AVEN: variants seen among roughly 807,000 people sequenced by gnomAD.
The protein encoded by AVEN is apoptosis and caspase activation inhibitor, also known as cell death regulator Aven.
In AVEN, 41 loss-of-function variants were observed where a neutral mutation model predicts 38.1. The observed-to-expected ratio is 1.08, with a 90% CI of 0.84 to 1.40. The LOEUF is 1.40. Among genes scored for constraint, AVEN ranks in the 40% most tolerant of loss-of-function variants. AVEN has a pLI of 0.00. For missense variants in AVEN, 605 were observed against 438.8 expected (o/e 1.38, Z -3.38); for synonymous variants, 206 against 171.8 (o/e 1.20, Z -1.56).
intron 2 of AVEN, among the ~76,000 whole-genome samples, chr15:33,994,895 A>T (rs76478232): frequency 0.016 from 2,386 of 152,324 alleles, 64 homozygotes; most frequent in African/African-American, 0.053. Flanking sequence ...GAAGAAAAAA[A>T]TAACATACAG....
At chr15:33,870,810 TGA>T (rs1890914204) in intron 4 of AVEN, 123 bp downstream of exon 4, 1 of 598,964 alleles carries the variant, frequency 1.7e-6, no homozygotes, top group Non-Finnish European at 2.7e-6. Context: ...AATGCTACCT[TGA>T]TATGAAACCC....
intron 1 of AVEN, among the ~76,000 whole-genome samples, chr15:34,035,724 C>T (rs1243169676): frequency 3.3e-5 from 5 of 152,264 alleles, no homozygotes; most frequent in Admixed American, 3.3e-4. Context: ...TGCTAACAGC[C>T]CATCACAAAG....
intron 2 of AVEN, among the ~76,000 whole-genome samples, chr15:33,888,367 G>T (rs1258600995): frequency 6.6e-6 from 1 of 152,058 alleles, no homozygotes; most frequent in African/African-American, 2.4e-5. Context: ...GAGTCAGTGA[G>T]GCTTCCTAGG....
At chr15:34,004,810 T>C (rs984467874) in intron 1 of AVEN, among the ~76,000 whole-genome samples, 13 of 152,110 alleles carry the variant, frequency 8.5e-5, no homozygotes, top group African/African-American at 2.9e-4. Flanking sequence ...TGTATTTAAA[T>C]TTTTTCATAA....
intron 4 of AVEN, 69 bp downstream of exon 4, chr15:33,870,866 G>T: frequency 2.7e-6 from 3 of 1,114,660 alleles, no homozygotes; most frequent in South Asian, 1.5e-5. Flanking sequence ...TCCTGCTGAG[G>T]GAAGTGTTCC....
At chr15:33,984,570 T>A (rs1896339678) in intron 2 of AVEN, among the ~76,000 whole-genome samples, 1 of 152,052 alleles carries the variant, frequency 6.6e-6, no homozygotes. Flanking sequence ...ACCCGGCTAA[T>A]TTTGTATTTT....
At chr15:33,983,192 A>G (rs12912120) in intron 2 of AVEN, among the ~76,000 whole-genome samples, 1,366 of 70,290 alleles carry the variant, frequency 0.019, 49 homozygotes, top group South Asian at 0.11. Flanking sequence ...ACGTGTGTGT[A>G]TGTGTGTGTA....
At position 33,908,845 on chromosome 15, in the gene AVEN, A is replaced by G. The variant is rs938950337; in HGVS notation, c.446-32850T>C. On this transcript the variant is annotated intron_variant, in intron 2 of 5. Transcript: ENST00000306730. ...ACAAGAGGGCTGGGGCTTGATTCATACAGAAGTCTGCAGGAGAAAAGACAA... is the reference window on the plus strand; with the variant it reads ...ACAAGAGGGCTGGGGCTTGATTCATGCAGAAGTCTGCAGGAGAAAAGACAA... 2.0e-5 allele frequency among the ~76,000 whole-genome samples: 3 copies of G among 152,232 alleles called. No individual in the cohort carries two copies. In the South Asian group the frequency reaches 6.2e-4, roughly 32 times the overall value.
chr15:33,905,688 G>A (rs1892673473), intron 2 of AVEN, among the ~76,000 whole-genome samples: 1 of 152,148 alleles, frequency 6.6e-6, no homozygotes, highest in South Asian at 2.1e-4. Flanking sequence ...AGCCAGGAGT[G>A]CTGGCATGCA....
intron 1 of AVEN, among the ~76,000 whole-genome samples, chr15:34,023,181 G>GAA (rs983274134): frequency 2.8e-5 from 4 of 144,950 alleles, no homozygotes; most frequent in Admixed American, 1.4e-4. Flanking sequence ...CTCGGTCTCA[G>GAA]AAAAAAAAAA....
intron 2 of AVEN, among the ~76,000 whole-genome samples, chr15:33,926,925 G>C (rs1433121274): frequency 6.6e-6 from 1 of 152,094 alleles, no homozygotes; most frequent in South Asian, 2.1e-4. Flanking sequence ...AAATTGCTAG[G>C]ATTACAGGAG....
chr15:34,056,852 G>T (rs946476004), intron 5 of AVEN, among the ~76,000 whole-genome samples: 2 of 152,102 alleles, frequency 1.3e-5, no homozygotes, highest in African/African-American at 4.8e-5. Flanking sequence ...GCAACATAGC[G>T]AGACCCTATC....
At chr15:33,985,428 T>A (rs996143266) in intron 2 of AVEN, among the ~76,000 whole-genome samples, 2 of 80,254 alleles carry the variant, frequency 2.5e-5, no homozygotes, top group African/African-American at 5.3e-5. Flanking sequence ...CTCAGCTCAG[T>A]GTTCCTTTTT....
chr15:33,990,902 C>T (rs1439854074), intron 2 of AVEN: 1 of 152,126 alleles, frequency 6.6e-6, no homozygotes, highest in Non-Finnish European at 1.5e-5. Flanking sequence ...AAGCACTGAA[C>T]AAATCAAAGG....
intron 2 of AVEN, among the ~76,000 whole-genome samples, chr15:33,924,314 G>A (rs140385848): frequency 0.011 from 1,638 of 151,406 alleles, 24 homozygotes; most frequent in African/African-American, 0.038. Flanking sequence ...AGGTTGCAGT[G>A]AGCCGAGATC....
chr15:33,978,295 C>T (rs897888032), intron 2 of AVEN, among the ~76,000 whole-genome samples: 3 of 152,114 alleles, frequency 2.0e-5, no homozygotes, highest in Admixed American at 2.0e-4. Flanking sequence ...ACTGTAGACA[C>T]AGGAAGTCTC....
In AVEN at chr15:34,003,196, C is replaced by T; in HGVS notation, c.281G>A (p.Ser94Asn). 6.2e-7 allele frequency: 1 copy of T among 1,613,402 alleles called. No homozygotes were observed. The highest frequency in any genetic ancestry group is 8.5e-7 in the Non-Finnish European group (1 of 1,179,828). ...AGASAPVEDDSDAETYGEEND... is the reference protein window; with the variant it reads ...AGASAPVEDDNDAETYGEEND... Reference sequence around the variant, plus strand: ...CTCTTCTCCATAGGTCTCTGCATCGCTGTCATCTTCAACCTGCAATCATTA... The same window carrying T: ...CTCTTCTCCATAGGTCTCTGCATCGTTGTCATCTTCAACCTGCAATCATTA... The change falls in exon 2 of 6, where the codon AGC becomes AAC. Residue 94 changes from serine (S) to asparagine (N), a missense_variant. Coordinates refer to ENST00000306730, the MANE Select transcript of AVEN (RefSeq NM_020371.3).
intron 2 of AVEN, among the ~76,000 whole-genome samples, chr15:33,920,257 A>C (rs1893344132): frequency 6.6e-6 from 1 of 152,246 alleles, no homozygotes; most frequent in Non-Finnish European, 1.5e-5. Flanking sequence ...AGTAGCATTA[A>C]GTATATGCAT....
At chr15:33,990,412 C>T (rs1300241884) in intron 2 of AVEN, among the ~76,000 whole-genome samples, 1 of 151,780 alleles carries the variant, frequency 6.6e-6, no homozygotes, top group Non-Finnish European at 1.5e-5. Context: ...GAATGTAGTA[C>T]CCAGATGATT....
Sources: gnomAD v4.1 joint callset for allele counts (sites outside exome capture counted in the v4.1 genomes callset) on GRCh38, gnomAD v4.1.1 for gene constraint, MANE v1.5 for transcripts, NCBI Gene and HGNC (gene_info 2026-07-23, HGNC 2026-07-21) for gene names.